The following OR9Q1 variants were observed in gnomAD, a reference collection of about 807,000 sequenced individuals.
The protein encoded by OR9Q1 is olfactory receptor 9Q1.
For missense variants in OR9Q1, 374 were observed against 378.8 expected, an observed-to-expected ratio of 0.99 and a Z score of 0.11; for synonymous variants, 153 against 148.6, an observed-to-expected ratio of 1.03 and a Z score of -0.22.
At chr11:58,100,114 T>G (rs1230449317) in intron 2 of OR9Q1, among the ~76,000 whole-genome samples, 1 of 152,178 alleles carries the variant, frequency 6.6e-6, no homozygotes, top group Non-Finnish European at 1.5e-5. Flanking sequence ...TCCTTAAGAA[T>G]GCTAACCCTT....
At chr11:58,176,622 CT>C (rs934141359) in intron 2 of OR9Q1, among the ~76,000 whole-genome samples, 6 of 152,252 alleles carry the variant, frequency 3.9e-5, no homozygotes, top group African/African-American at 1.2e-4. Context: ...AAAACGGTGT[CT>C]TTGGCGGAAA....
At chr11:58,072,193 A>G (rs559877660) in intron 2 of OR9Q1, among the ~76,000 whole-genome samples, 1 of 152,348 alleles carries the variant, frequency 6.6e-6, no homozygotes, top group African/African-American at 2.4e-5. Flanking sequence ...ACATACAACA[A>G]AAACATCTAT....
At chr11:58,135,752 T>C (rs1259538448) in intron 2 of OR9Q1, among the ~76,000 whole-genome samples, 4 of 152,226 alleles carry the variant, frequency 2.6e-5, no homozygotes, top group Non-Finnish European at 5.9e-5. Context: ...TAAATAACTT[T>C]AAACCTGACC....
chr11:58,093,031 TAACTC>T (rs1386389905), intron 2 of OR9Q1, among the ~76,000 whole-genome samples: 3 of 152,188 alleles, frequency 2.0e-5, no homozygotes, highest in African/African-American at 4.8e-5. Flanking sequence ...AAAAATTTGG[TAACTC>T]AACTTCTCTA....
intron 2 of OR9Q1, among the ~76,000 whole-genome samples, chr11:58,152,355 C>T (rs1438213855): frequency 1.3e-5 from 2 of 152,100 alleles, no homozygotes; most frequent in South Asian, 2.1e-4. Context: ...GGAATTCTCT[C>T]CAGAAGGGCT....
At chr11:58,150,504 CA>C (rs1355389950) in intron 2 of OR9Q1, among the ~76,000 whole-genome samples, 1 of 152,044 alleles carries the variant, frequency 6.6e-6, no homozygotes, top group Non-Finnish European at 1.5e-5. Flanking sequence ...AGTCATGCAC[CA>C]CATAAGGATA....
At chr11:58,072,056 TTAAAA>T (rs952946900) in intron 2 of OR9Q1, among the ~76,000 whole-genome samples, 1 of 152,298 alleles carries the variant, frequency 6.6e-6, no homozygotes. Flanking sequence ...ACAATTGCAC[TTAAAA>T]TAAAAGTTAA....
intron 1 of OR9Q1, 124 bp from the exon 2 acceptor site, chr11:58,055,746 G>A (rs1853320651): frequency 6.9e-6 from 1 of 143,980 alleles, no homozygotes; most frequent in Non-Finnish European, 1.5e-5. Flanking sequence ...GCTGCAGTGA[G>A]CCATGATCGT....
chr11:58,118,278 G>C, intron 2 of OR9Q1: 1 of 478,778 alleles, frequency 2.1e-6, no homozygotes, highest in Admixed American at 3.7e-5. Flanking sequence ...ACTGCCCAGT[G>C]CTAAGGAATG....
At position 58,179,849 on chromosome 11, in the gene OR9Q1, C is replaced by A. The variant is rs1369045112; in HGVS notation, c.405C>A (p.Ile135=). The A allele has an allele frequency of 6.2e-7, 1 of 1,614,178 alleles. No individual in the cohort carries two copies. Among genetic ancestry groups the A allele is most frequent in the Non-Finnish European group, 8.5e-7 (1 of 1,180,020 alleles). ...GCCAGCCCCTGCTTTATGTCACCAT[C>A]CTGACACAGCAGGCCCGCTTGAGTC... The part of the protein sequence containing the change: ...AVCQPLLYVT[I]LTQQARLSLV... The change falls in exon 3 of 3, where the codon ATC becomes ATA. Residue 135 remains isoleucine, a synonymous_variant. Transcript: ENST00000335397.
At chr11:58,122,439 G>A (rs920053044) in intron 2 of OR9Q1, among the ~76,000 whole-genome samples, 6 of 152,116 alleles carry the variant, frequency 3.9e-5, no homozygotes, top group African/African-American at 9.7e-5. Flanking sequence ...CATGGACTTC[G>A]CTTTCTATTC....
In OR9Q1 at chr11:58,181,564, T is replaced by TAAAAAAAAAAAAAAAAAAAAAAATAAA. The variant is rs1854666824; in HGVS notation, c.*1211_*1212insAAAAAAAAAAAAAAAAAAAAAAAAAAT. 1.3e-5 allele frequency: 1 copy of TAAAAAAAAAAAAAAAAAAAAAAATAAA among 74,952 alleles called. No individual in the cohort carries two copies. The highest frequency in any genetic ancestry group is 4.8e-5 in the African/African-American group (1 of 20,938). The allele number at this position is 74,952 out of a possible 1,614,324, so 4.6% of individuals were successfully genotyped here. On this transcript the variant is annotated 3_prime_UTR_variant, in exon 3 of 3. Coordinates refer to ENST00000335397, the MANE Select transcript of OR9Q1 (RefSeq NM_001005212.4). ...CTTCTTTTCCTGTCTCCTGGATTAC[T>TAAAAAAAAAAAAAAAAAAAAAAATAAA]AAAAAAAAAAAAAAAAAAAAAAATC...
chr11:58,176,038 C>T (rs1854603564), intron 2 of OR9Q1, among the ~76,000 whole-genome samples: 1 of 152,084 alleles, frequency 6.6e-6, no homozygotes, highest in Non-Finnish European at 1.5e-5. Context: ...TTTAATGAGG[C>T]ACTTGACTCC....
chr11:58,129,712 C>G (rs987412396), intron 2 of OR9Q1, among the ~76,000 whole-genome samples: 2 of 152,116 alleles, frequency 1.3e-5, no homozygotes, highest in East Asian at 1.9e-4. Flanking sequence ...TCACCAAGAC[C>G]TTTTCTGACC....
At chr11:58,080,053 G>A (rs899756159) in intron 2 of OR9Q1, among the ~76,000 whole-genome samples, 1 of 151,956 alleles carries the variant, frequency 6.6e-6, no homozygotes, top group Non-Finnish European at 1.5e-5. Context: ...TAGATACGGG[G>A]GTACATGTGC....
chr11:58,090,617 G>A (rs1330980289), intron 2 of OR9Q1, among the ~76,000 whole-genome samples: 1 of 151,648 alleles, frequency 6.6e-6, no homozygotes, highest in Non-Finnish European at 1.5e-5. Flanking sequence ...TTTTTTTGTG[G>A]TGTGTCCAGA....
chr11:58,083,402 A>G (rs1400035647), intron 2 of OR9Q1, among the ~76,000 whole-genome samples: 1 of 151,514 alleles, frequency 6.6e-6, no homozygotes, highest in Non-Finnish European at 1.5e-5. Context: ...TATTTCTCCC[A>G]TTCTGTAGGT....
At chr11:58,043,007 A>G (rs1175519680) in intron 1 of OR9Q1, among the ~76,000 whole-genome samples, 3 of 152,130 alleles carry the variant, frequency 2.0e-5, no homozygotes, top group Non-Finnish European at 1.5e-5. Context: ...ATATCCTGAG[A>G]CTTTGCTGAA....
chr11:58,126,254 G>A (rs1854089502), intron 2 of OR9Q1, among the ~76,000 whole-genome samples: 2 of 152,100 alleles, frequency 1.3e-5, no homozygotes, highest in African/African-American at 2.4e-5. Flanking sequence ...AACTCCACTT[G>A]TCTTACAGTG....
Sources: gnomAD v4.1 joint callset for allele counts (sites outside exome capture counted in the v4.1 genomes callset) on GRCh38, gnomAD v4.1.1 for gene constraint, MANE v1.5 for transcripts, NCBI Gene and HGNC (gene_info 2026-07-23, HGNC 2026-07-21) for gene names.